The following SNTG1 variants were observed in gnomAD, a reference collection of about 807,000 sequenced individuals.
SNTG1 encodes the protein gamma-1-syntrophin.
Under a neutral mutation model 74.7 loss-of-function variants are expected in SNTG1, and 39 were observed. That is an observed-to-expected ratio of 0.52 (90% CI 0.40 to 0.68). The LOEUF (loss-of-function observed/expected upper bound fraction) is 0.68, where lower values mean the gene tolerates loss of function less well. Ranked by LOEUF, SNTG1 falls within the 30% of genes least tolerant of loss-of-function variation. SNTG1 has a pLI of 0.00. For missense variants in SNTG1, 685 were observed against 609.5 expected, an observed-to-expected ratio of 1.12 and a Z score of -1.30; for synonymous variants, 254 against 217.1, an observed-to-expected ratio of 1.17 and a Z score of -1.49.
rs140279450 is a variant in SNTG1, at chr8:50,099,208, A to G, written c.-102-73353A>G. ...CACTGATGATGATATTCTCTACATAACAAGTAGATTTTCTGCTGCTGGTCT... is the reference window on the plus strand; with the variant it reads ...CACTGATGATGATATTCTCTACATAGCAAGTAGATTTTCTGCTGCTGGTCT... On this transcript the variant is annotated intron_variant, in intron 1 of 18. Coordinates refer to ENST00000642720, the MANE Select transcript of SNTG1 (RefSeq NM_018967.5). Among the ~76,000 whole-genome samples the G allele has an allele frequency of 7.6e-4, 116 of 152,186 alleles. 1 individual carries two copies. In the East Asian group the frequency reaches 0.014, roughly 18 times the overall value.
intron 13 of SNTG1, among the ~76,000 whole-genome samples, chr8:50,642,380 G>A (rs2095079133): frequency 6.6e-6 from 1 of 151,948 alleles, no homozygotes; most frequent in African/African-American, 2.4e-5. Context: ...ATTAAATTCT[G>A]TCTCTCCTCT....
intron 1 of SNTG1, among the ~76,000 whole-genome samples, chr8:49,931,117 A>G (rs1406786530): frequency 6.6e-6 from 1 of 152,226 alleles, no homozygotes. Flanking sequence ...TCTCATGGAA[A>G]TGCAAATTAA....
At chr8:50,169,369 A>T (rs973246184) in intron 1 of SNTG1, among the ~76,000 whole-genome samples, 68 of 152,360 alleles carry the variant, frequency 4.5e-4, no homozygotes, top group African/African-American at 1.5e-3. Flanking sequence ...TAAGTCAAAA[A>T]TGAAGTTCGA....
At chr8:50,045,147 C>T (rs560980083) in intron 1 of SNTG1, among the ~76,000 whole-genome samples, 62 of 152,268 alleles carry the variant, frequency 4.1e-4, no homozygotes, top group African/African-American at 1.4e-3. Flanking sequence ...GACATCCGAG[C>T]CCAGTCCCTT....
At position 50,121,018 on chromosome 8, in the gene SNTG1, T is replaced by C. The variant is rs1049089429; in HGVS notation, c.-102-51543T>C. On this transcript the variant is annotated intron_variant, in intron 1 of 18. Transcript: ENST00000642720. ...TTTTGCTCCCCATATTTCATTATCATATCAAGACACTGAAAGGAAAATATT... is the reference window on the plus strand; with the variant it reads ...TTTTGCTCCCCATATTTCATTATCACATCAAGACACTGAAAGGAAAATATT... Among the ~76,000 whole-genome samples, 7 of 142,222 alleles carry C rather than the reference T, an allele frequency of 4.9e-5. 1 individual carries two copies. The highest frequency in any genetic ancestry group is 1.1e-4 in the Non-Finnish European group (7 of 63,872). The allele number at this position is 142,222 out of a possible 152,430, so 93.3% of individuals were successfully genotyped here.
chr8:50,731,488 GC>G (rs2095512928), intron 17 of SNTG1, among the ~76,000 whole-genome samples: 1 of 152,000 alleles, frequency 6.6e-6, no homozygotes, highest in Admixed American at 6.6e-5. Flanking sequence ...TGATTGAAAA[GC>G]TTTTGACGCC....
chr8:50,171,380 G>T (rs186842213), intron 1 of SNTG1, among the ~76,000 whole-genome samples: 1 of 152,088 alleles, frequency 6.6e-6, no homozygotes, highest in Non-Finnish European at 1.5e-5. Context: ...ATGTTCAAGC[G>T]CAGGAAGCAT....
rs558168722 is a variant in SNTG1 at position 50,397,523 on chromosome 8, C to G, written c.27+3258C>G. On this transcript the variant is annotated intron_variant, in intron 3 of 18. Transcript: ENST00000642720. The stretch of plus-strand genomic sequence containing the variant: ...AACTTCTTCCTCTATCAGACAGTCT[C>G]CTAGTAGCGTGGCTTTGGGGAAGAT... Among the ~76,000 whole-genome samples the G allele has an allele frequency of 2.6e-5, 4 of 152,260 alleles. No individual in the cohort carries two copies. The South Asian group carries it at 8.3e-4, about 32-fold the overall frequency.
chr8:50,406,613 C>A (rs2092879378), intron 4 of SNTG1, among the ~76,000 whole-genome samples: 2 of 151,858 alleles, frequency 1.3e-5, no homozygotes, highest in Admixed American at 1.3e-4. Context: ...TTTCTTATTC[C>A]AGATCTTAAA....
intron 17 of SNTG1, among the ~76,000 whole-genome samples, chr8:50,724,560 G>C (rs2095495494): frequency 6.6e-6 from 1 of 152,086 alleles, no homozygotes; most frequent in Admixed American, 6.6e-5. Flanking sequence ...ACACTAAAGA[G>C]AAACTGAGAG....
chr8:50,177,652 CA>C (rs1301035869), intron 2 of SNTG1, among the ~76,000 whole-genome samples: 1 of 152,170 alleles, frequency 6.6e-6, no homozygotes, highest in Non-Finnish European at 1.5e-5. Flanking sequence ...TTCATGGAAA[CA>C]AAGACTTACT....
At chr8:50,763,798 T>A (rs74842833) in intron 18 of SNTG1, among the ~76,000 whole-genome samples, 2,902 of 146,178 alleles carry the variant, frequency 0.02, 94 homozygotes, top group African/African-American at 0.065. Context: ...ATTCATTAAA[T>A]TTTTTACCAA....
In SNTG1 at chr8:50,121,416, C is replaced by T. The variant is rs1029145208; in HGVS notation, c.-102-51145C>T. ...CCCTGTACATTCTGGAATGTTTAAC[C>T]TCAGATATTTATCAGTGCATACAAA... On this transcript the variant is annotated intron_variant, in intron 1 of 18. Transcript: ENST00000642720. Among the ~76,000 whole-genome samples the T allele has an allele frequency of 2.8e-5, 4 of 141,686 alleles. 1 individual carries two copies. Among genetic ancestry groups the T allele is most frequent in the Non-Finnish European group, 6.3e-5 (4 of 63,718 alleles). The allele number at this position is 141,686 out of a possible 152,430, so 93.0% of individuals were successfully genotyped here.
intron 2 of SNTG1, among the ~76,000 whole-genome samples, chr8:50,198,825 G>A (rs1328105862): frequency 6.6e-6 from 1 of 151,732 alleles, no homozygotes; most frequent in African/African-American, 2.4e-5. Flanking sequence ...CAATCATTAG[G>A]AGGTTCAAGT....
In SNTG1 at chr8:50,536,667, C is replaced by T. The variant is rs376827344; in HGVS notation, c.550-11C>T. ...GAAAAAAATTACGTTGAATATTTAT[C>T]TTCCTTTCAGGACACATTATCATGC... On this transcript the variant is annotated splice_polypyrimidine_tract_variant and intron_variant, in intron 10 of 18. Coordinates refer to ENST00000642720, the MANE Select transcript of SNTG1 (RefSeq NM_018967.5). 18 of 1,610,310 alleles carry T rather than the reference C, an allele frequency of 1.1e-5. No individual in the cohort carries two copies. The highest frequency in any genetic ancestry group is 1.5e-5 in the Non-Finnish European group (18 of 1,178,628).
rs953440231 is a variant in SNTG1 at position 50,254,365 on chromosome 8, C to T, written c.-28+81730C>T. ...GCAGAACTCACCTTCATCCGTGTACCTTTTTTGAAAACTCAAAGATTACTA... is the reference window on the plus strand; with the variant it reads ...GCAGAACTCACCTTCATCCGTGTACTTTTTTTGAAAACTCAAAGATTACTA... On this transcript the variant is annotated intron_variant, in intron 2 of 18. Transcript: ENST00000642720. 4.6e-5 allele frequency among the ~76,000 whole-genome samples: 7 copies of T among 152,176 alleles called. No individual in the cohort carries two copies. The East Asian group carries it at 5.8e-4, about 13-fold the overall frequency.
chr8:50,658,638 A>G lies in SNTG1; in HGVS notation c.1013A>G (p.Tyr338Cys). The change falls in exon 15 of 19, where the codon TAT becomes TGT. Residue 338 changes from tyrosine (Y) to cysteine (C), a missense_variant. By Grantham distance (194) the Tyr-to-Cys change is radical. Transcript: ENST00000642720. ...AGAGCAGAGAAAACATTCTCAGTTT[A>G]TGAGATTATGTGCAAGATCCTCAAG... ...WTRAEKTFSV[Y>C]EIMCKILKDS... 1 of 1,610,820 alleles carries G rather than the reference A, an allele frequency of 6.2e-7. No individual in the cohort carries two copies. Among genetic ancestry groups the G allele is most frequent in the Non-Finnish European group, 8.5e-7 (1 of 1,177,744 alleles).
chr8:50,629,011 A>G (rs1253374104), intron 13 of SNTG1, among the ~76,000 whole-genome samples: 1 of 152,126 alleles, frequency 6.6e-6, no homozygotes, highest in East Asian at 1.9e-4. Context: ...TATATGTGGA[A>G]GCTAAAAACC....
chr8:50,489,391 A>C (rs2093829454), intron 8 of SNTG1, among the ~76,000 whole-genome samples: 1 of 152,210 alleles, frequency 6.6e-6, no homozygotes, highest in African/African-American at 2.4e-5. Context: ...CACTCCCACC[A>C]ACAGTGTAAA....
Sources: allele counts gnomAD v4.1 joint callset (sites outside exome capture counted in the v4.1 genomes callset), GRCh38; gene constraint gnomAD v4.1.1; transcripts MANE v1.5; gene names NCBI Gene and HGNC (gene_info 2026-07-23, HGNC 2026-07-21).